Variants in AXIN1 observed in about 807,000 individuals in gnomAD.
AXIN1 encodes the protein axin-1.
AXIN1 carries 30 observed loss-of-function variants against 76.4 expected under a neutral mutation model. The observed-to-expected ratio is 0.39, with a 90% CI of 0.29 to 0.53. AXIN1 has a LOEUF of 0.53. Ranked by LOEUF, AXIN1 falls within the 20% of genes least tolerant of loss-of-function variation. The pLI is 0.66. For synonymous variants in AXIN1, 545 were observed against 501.4 expected (o/e 1.09, Z -1.16); for missense variants, 1,140 against 1,198.8 (o/e 0.95, Z 0.72).
At position 293,490 on chromosome 16, in the gene AXIN1, C is replaced by T. The variant is rs916321363; in HGVS notation, c.2184G>A (p.Gln728=). Reference sequence around the variant, plus strand: ...CCCACCCCACGACGCGGCCGTACCTCTGCTTGGAGGGTGCTCGGCTGGCTC... The same window carrying T: ...CCCACCCCACGACGCGGCCGTACCTTTGCTTGGAGGGTGCTCGGCTGGCTC... ...EKRASRAPSK[Q]RYVQEVMRRG... The change falls in exon 8 of 11, where the codon CAG becomes CAA. Residue 728 remains glutamine, a splice_region_variant and synonymous_variant. Coordinates refer to ENST00000262320, the MANE Select transcript of AXIN1 (RefSeq NM_003502.4). The surrounding 1 kb of genome is among the most constrained non-coding windows in gnomAD (Gnocchi z 4.6). 4.4e-6 allele frequency: 7 copies of T among 1,608,960 alleles called. No individual in the cohort carries two copies. The African/African-American group carries it at 8.0e-5, about 18-fold the overall frequency.
At chr16:300,447 G>A (rs577216471) in intron 5 of AXIN1, among the ~76,000 whole-genome samples, 8 of 151,738 alleles carry the variant, frequency 5.3e-5, no homozygotes, top group African/African-American at 1.9e-4. Context: ...TGATCCTTCT[G>A]TCTTGGCCTC....
At chr16:344,144 G>A (rs2141693135) in intron 2 of AXIN1, among the ~76,000 whole-genome samples, 1 of 151,882 alleles carries the variant, frequency 6.6e-6, no homozygotes, top group South Asian at 2.1e-4. Context: ...GAACAAAAGG[G>A]AAAAAAGGCC....
At position 304,957 on chromosome 16, in the gene AXIN1, G is replaced by C. The variant is rs1439612925; in HGVS notation, c.1117-516C>G. Among the ~76,000 whole-genome samples, 5 of 152,338 alleles carry C rather than the reference G, an allele frequency of 3.3e-5. No individual in the cohort carries two copies. The East Asian group carries it at 9.6e-4, about 29-fold the overall frequency. On this transcript the variant is annotated intron_variant, in intron 4 of 10. Transcript: ENST00000262320. Reference sequence around the variant, plus strand: ...TCATTCCCCACGGACCCAGGAGACAGGGCTGCTTCTTTCCAGCGTCTCCCG... The same window carrying C: ...TCATTCCCCACGGACCCAGGAGACACGGCTGCTTCTTTCCAGCGTCTCCCG...
intron 7 of AXIN1, among the ~76,000 whole-genome samples, chr16:296,848 T>C (rs978327015): frequency 2.6e-5 from 4 of 152,024 alleles, no homozygotes; most frequent in African/African-American, 9.7e-5. Flanking sequence ...ACAGCCTCTC[T>C]CTGGGGACAT....
At chr16:323,817 C>A (rs11646942) in intron 2 of AXIN1, among the ~76,000 whole-genome samples, 41,786 of 151,402 alleles carry the variant, frequency 0.28, 6,006 homozygotes, top group South Asian at 0.4. Context: ...CAAAACAAAA[C>A]ACTGAGGGGT....
intron 3 of AXIN1, 126 bp downstream of exon 3, chr16:314,417 C>A (rs1170509486): frequency 1.4e-6 from 2 of 1,451,196 alleles, no homozygotes; most frequent in Non-Finnish European, 1.9e-6. Context: ...TTACACGCTG[C>A]CATCCGCAAG....
intron 2 of AXIN1, among the ~76,000 whole-genome samples, chr16:345,056 A>C (rs894220902): frequency 2.0e-5 from 3 of 151,580 alleles, no homozygotes; most frequent in African/African-American, 7.3e-5. Context: ...AAGAGTGGGA[A>C]ATGCATGCGC....
chr16:293,189 C>G lies in AXIN1; in HGVS notation c.2186+299G>C, dbSNP rs1187943224. 6.0e-6 allele frequency: 3 copies of G among 502,784 alleles called. No homozygotes were observed. The highest frequency in any genetic ancestry group is 7.2e-6 in the Non-Finnish European group (2 of 277,740). 31.1% of individuals were successfully genotyped at this position (502,784 alleles called of 1,614,324 possible). On this transcript the variant is annotated intron_variant, in intron 8 of 10. Transcript: ENST00000262320. This position sits in a 1 kb window ranked among gnomAD's most constrained non-coding sequence, Gnocchi z 4.6. ...GCTGGGGACCGGCGTTCCCCACACA[C>G]TGGGGCCCTGCAGCCTCCCTGCAGA...
At chr16:296,864 T>C (rs2052724127) in intron 7 of AXIN1, among the ~76,000 whole-genome samples, 192 bp downstream of exon 7, 1 of 151,958 alleles carries the variant, frequency 6.6e-6, no homozygotes, top group Admixed American at 6.6e-5. Context: ...GACATGAGGT[T>C]TTCCTCCTGG....
At chr16:302,176 G>A (rs190320196) in intron 5 of AXIN1, among the ~76,000 whole-genome samples, 17 of 152,330 alleles carry the variant, frequency 1.1e-4, no homozygotes, top group Admixed American at 9.8e-4. Context: ...GGGACCACGC[G>A]GCACTGATGC....
At chr16:324,686 C>G in intron 2 of AXIN1, among the ~76,000 whole-genome samples, 1 of 152,208 alleles carries the variant, frequency 6.6e-6, no homozygotes, top group South Asian at 2.1e-4. Flanking sequence ...GTACTTTATA[C>G]CAGGAGGAGG....
chr16:351,084 A>G (rs1229170261), intron 1 of AXIN1, among the ~76,000 whole-genome samples: 1 of 149,930 alleles, frequency 6.7e-6, no homozygotes, highest in Non-Finnish European at 1.5e-5. Flanking sequence ...GTGAGCGGAG[A>G]TCACGCCATT....
intron 10 of AXIN1, 194 bp from the exon 11 acceptor site, chr16:288,442 G>T: frequency 1.3e-6 from 1 of 790,654 alleles, no homozygotes; most frequent in Non-Finnish European, 2.0e-6. Flanking sequence ...GAAGTGGGCA[G>T]CCATGGGGGG....
chr16:291,396 G>A lies in AXIN1; in HGVS notation c.2187-99C>T, dbSNP rs999126198. On this transcript the variant is annotated intron_variant, in intron 8 of 10. Transcript: ENST00000262320. ...TGCTGCGCAGGGACGGACGGAGCGT[G>A]AAGGGCCCGAACAACCCACCCTGCG... The A allele has an allele frequency of 1.4e-5, 15 of 1,047,280 alleles. No individual in the cohort carries two copies. In the South Asian group the frequency reaches 1.5e-4, roughly 10 times the overall value. 64.9% of individuals were successfully genotyped at this position (1,047,280 alleles called of 1,614,324 possible).
intron 1 of AXIN1, among the ~76,000 whole-genome samples, chr16:349,650 G>T (rs1054198893): frequency 2.0e-5 from 3 of 152,224 alleles, no homozygotes; most frequent in African/African-American, 7.2e-5. Flanking sequence ...ACAAGGTCCT[G>T]CAACTAACGG....
intron 2 of AXIN1, among the ~76,000 whole-genome samples, chr16:325,487 C>A (rs548182663): frequency 6.6e-6 from 1 of 152,230 alleles, no homozygotes; most frequent in Non-Finnish European, 1.5e-5. Context: ...CGCTTCCCAG[C>A]GGGCAGAGTT....
intron 2 of AXIN1, among the ~76,000 whole-genome samples, chr16:333,770 C>G (rs1003131801): frequency 1.3e-5 from 2 of 152,030 alleles, no homozygotes; most frequent in African/African-American, 4.8e-5. Context: ...GAGCGCATAA[C>G]ACCAGTACCA....
rs1035277000 is a variant in AXIN1 at position 293,114 on chromosome 16, C to T, written c.2186+374G>A. The T allele has an allele frequency of 2.1e-5, 7 of 334,128 alleles. No homozygotes were observed. The highest frequency in any genetic ancestry group is 3.9e-5 in the Non-Finnish European group (7 of 177,888). The allele number at this position is 334,128 out of a possible 1,614,324, so 20.7% of individuals were successfully genotyped here. ...CTGTCAAGAGGCAGCCGCCATGCCT[C>T]CAGGACCTCTGCCCTAAAGCCCAGG... On this transcript the variant is annotated intron_variant, in intron 8 of 10. Coordinates refer to ENST00000262320, the MANE Select transcript of AXIN1 (RefSeq NM_003502.4). This position sits in a 1 kb window ranked among gnomAD's most constrained non-coding sequence, Gnocchi z 4.6.
At chr16:298,399 G>A in intron 5 of AXIN1, 148 bp from the exon 6 acceptor site, 1 of 954,076 alleles carries the variant, frequency 1.0e-6, no homozygotes, top group Non-Finnish European at 1.6e-6. Context: ...TCCTGTCCCT[G>A]AGGATGGAGA....
Sources: allele counts gnomAD v4.1 joint callset (sites outside exome capture counted in the v4.1 genomes callset), GRCh38; gene constraint gnomAD v4.1.1; non-coding constraint Gnocchi (gnomAD v3.1); transcripts MANE v1.5; gene names NCBI Gene and HGNC (gene_info 2026-07-23, HGNC 2026-07-21).